ZNF582: variants seen among roughly 807,000 people sequenced by gnomAD.
The protein encoded by ZNF582 is zinc finger protein 582.
In ZNF582, 14 loss-of-function variants were observed where a neutral mutation model predicts 12.3. The ratio of observed to expected loss-of-function variants is 1.14; its 90% confidence interval spans 0.75 to 1.78. ZNF582 has a LOEUF of 1.78. Among genes scored for constraint, ZNF582 ranks in the 40% most tolerant of loss-of-function variants. The pLI is 0.00. For missense variants in ZNF582, 567 were observed against 616.5 expected, an observed-to-expected ratio of 0.92 and a Z score of 0.85; for synonymous variants, 210 against 207.2, an observed-to-expected ratio of 1.01 and a Z score of -0.11.
chr19:56,391,877 A>G, intron 1 of ZNF582, 45 bp from the exon 2 acceptor site: 1 of 1,553,628 alleles, frequency 6.4e-7, no homozygotes, highest in Non-Finnish European at 8.8e-7. Context: ...CTTGCCTCAC[A>G]GTTCCTAGAA....
In ZNF582 at chr19:56,391,624, T is replaced by C; in HGVS notation, c.9+120A>G. On this transcript the variant is annotated intron_variant, in intron 2 of 4. Transcript: ENST00000586929. ...GGGAGAGGACAATGGGAGAGGAGAC[T>C]CCTGCCTGGTCCTTTTATTCCCTAA... 3 of 835,906 alleles carry C rather than the reference T, an allele frequency of 3.6e-6. No individual in the cohort carries two copies. In the South Asian group the frequency reaches 4.5e-5, roughly 13 times the overall value. The allele number at this position is 835,906 out of a possible 1,614,324, so 51.8% of individuals were successfully genotyped here. A position where few individuals can be genotyped will look rare whatever the true frequency, so the allele number is the denominator to read the frequency against.
chr19:56,393,299 G>A (rs2042033624), exon 1 of ZNF582: 2 of 1,227,388 alleles, frequency 1.6e-6, no homozygotes, highest in Non-Finnish European at 2.1e-6. Flanking sequence ...AGGGCCGGCG[G>A]GAAATGTAGT....
At chr19:56,387,363 C>T (rs1304440304) in intron 4 of ZNF582, 3 of 152,182 alleles carry the variant, frequency 2.0e-5, no homozygotes, top group Admixed American at 2.0e-4. Context: ...CAAGCTTTTA[C>T]TGCTCTCACC....
chr19:56,391,968 C>T (rs1382192763), intron 1 of ZNF582, 136 bp from the exon 2 acceptor site: 1 of 689,082 alleles, frequency 1.5e-6, no homozygotes, highest in Non-Finnish European at 2.4e-6. Context: ...GGATCCTCAC[C>T]CAACCCCAGG....
chr19:56,391,804 G>T, exon 2 of ZNF582: 1 of 1,614,116 alleles, frequency 6.2e-7, no homozygotes, highest in Admixed American at 1.7e-5. Flanking sequence ...TCCTCTCTTG[G>T]GGAAGGGCAG....
At chr19:56,384,685 T>C (rs1407767968) in exon 5 of ZNF582, 2 of 1,613,310 alleles carry the variant, frequency 1.2e-6, no homozygotes, top group African/African-American at 1.3e-5. Flanking sequence ...CTCTCTGATG[T>C]TGTATAAAAT....
At chr19:56,383,836 G>T (rs749854961) in exon 5 of ZNF582, 2 of 1,519,422 alleles carry the variant, frequency 1.3e-6, no homozygotes, top group Non-Finnish European at 1.8e-6. Flanking sequence ...CTCCAAGAGG[G>T]AGAAGTAAGT....
chr19:56,388,399 T>G (rs1371483569), intron 4 of ZNF582: 2 of 152,194 alleles, frequency 1.3e-5, no homozygotes, highest in Admixed American at 1.3e-4. Flanking sequence ...ATCTAATAAA[T>G]AAGAATAAAG....
chr19:56,384,515 T>C (rs1568783082), exon 5 of ZNF582: 3 of 1,613,382 alleles, frequency 1.9e-6, no homozygotes, highest in South Asian at 2.2e-5. Context: ...AATTCTATAA[T>C]GTACTTTAAG....
chr19:56,393,465 G>A (rs761185283), exon 1 of ZNF582: 1 of 518,846 alleles, frequency 1.9e-6, no homozygotes, highest in South Asian at 1.4e-5. Context: ...GGGTCCAAGT[G>A]CCACCGCGGC....
At chr19:56,384,127 C>G in exon 5 of ZNF582, 1 of 1,612,638 alleles carries the variant, frequency 6.2e-7, no homozygotes, top group Non-Finnish European at 8.5e-7. Context: ...GACTAAAAGC[C>G]TTCCCACATT....
exon 5 of ZNF582, chr19:56,383,293 T>G (rs2041933423): frequency 6.6e-6 from 1 of 152,270 alleles, no homozygotes; most frequent in Non-Finnish European, 1.5e-5. Context: ...TAAGATGGTC[T>G]CTTTATTTCA....
At chr19:56,390,487 G>C (rs532605615) in exon 3 of ZNF582, 1 of 1,613,972 alleles carries the variant, frequency 6.2e-7, no homozygotes, top group African/African-American at 1.3e-5. Context: ...CCACATCCCT[G>C]AACAATTCTG....
intron 4 of ZNF582, among the ~76,000 whole-genome samples, chr19:56,388,929 C>CT (rs1287591826): frequency 2.0e-5 from 3 of 152,172 alleles, no homozygotes; most frequent in African/African-American, 7.2e-5. Context: ...TAGTGTATCT[C>CT]TGTGTTCCTC....
chr19:56,388,639 T>C (rs1473644725), intron 4 of ZNF582, among the ~76,000 whole-genome samples: 2 of 152,168 alleles, frequency 1.3e-5, no homozygotes, highest in Non-Finnish European at 2.9e-5. Flanking sequence ...GCGTATCTTT[T>C]TTTTTCTTTT....
In ZNF582 at chr19:56,385,094, AG is replaced by A; in HGVS notation, c.322del (p.Thr109GlnfsTer34). The A allele has an allele frequency of 6.2e-7, 1 of 1,614,082 alleles. No homozygotes were observed. The highest frequency in any genetic ancestry group is 1.1e-5 in the South Asian group (1 of 91,082). ...TGAACACTCAAGACCATAACTTGTA[AG>A]GCTTTCCATTATCTCCCATTGGGGT... is the stretch of plus-strand genomic sequence containing the variant. On this transcript the variant is annotated frameshift_variant, in exon 5 of 5. Coordinates refer to ENST00000586929, the Ensembl canonical transcript of ZNF582. LOFTEE classifies it low-confidence loss of function (END_TRUNC).
rs532388212 is a variant in ZNF582 at position 56,389,488 on chromosome 19, C to T, written c.232+513G>A. Among the ~76,000 whole-genome samples, 9 of 152,176 alleles carry T rather than the reference C, an allele frequency of 5.9e-5. No homozygotes were observed. In the East Asian group the frequency reaches 1.7e-3, roughly 29 times the overall value. On this transcript the variant is annotated intron_variant, in intron 4 of 4. Coordinates refer to ENST00000586929, the Ensembl canonical transcript of ZNF582. ...GGAGCTAAATGAGGACACATGGACA[C>T]ACAGAGCGGGACAACACACATGGGC...
intron 2 of ZNF582, 28 bp downstream of exon 2, chr19:56,391,715 GC>G (rs2042015230): frequency 6.2e-7 from 1 of 1,600,382 alleles, no homozygotes; most frequent in African/African-American, 1.3e-5. Context: ...GATAAGGAAA[GC>G]AAATATTTAT....
At chr19:56,392,785 C>T (rs1458050306) in intron 1 of ZNF582, among the ~76,000 whole-genome samples, 1 of 152,168 alleles carries the variant, frequency 6.6e-6, no homozygotes, top group African/African-American at 2.4e-5. Flanking sequence ...AGTTCTTGAG[C>T]TCACTGTTAA....
Sources: gnomAD v4.1 joint callset for allele counts (sites outside exome capture counted in the v4.1 genomes callset) on GRCh38, gnomAD v4.1.1 for gene constraint, MANE v1.5 for transcripts, NCBI Gene and HGNC (gene_info 2026-07-23, HGNC 2026-07-21) for gene names.